MAP3K20: variants seen among roughly 807,000 people sequenced by gnomAD.
MAP3K20 encodes HCCS-4.
A neutral mutation model predicts 85.7 loss-of-function variants in MAP3K20; 40 were observed. The observed-to-expected ratio is 0.47, with a 90% CI of 0.36 to 0.61. MAP3K20 has a LOEUF of 0.61. MAP3K20 is among the 20% of genes least tolerant of loss of function. The pLI is 0.00. For synonymous variants in MAP3K20, 325 were observed against 327.7 expected (o/e 0.99, Z 0.09); for missense variants, 817 against 961.7 (o/e 0.85, Z 1.99).
chr2:173,228,286 A>G (rs953691833), intron 11 of MAP3K20, among the ~76,000 whole-genome samples: 1 of 151,786 alleles, frequency 6.6e-6, no homozygotes, highest in African/African-American at 2.4e-5. Flanking sequence ...ACATGAACTC[A>G]CTGCCTTCCA....
intron 2 of MAP3K20, among the ~76,000 whole-genome samples, chr2:173,167,780 T>G (rs1689877655): frequency 6.6e-6 from 1 of 152,136 alleles, no homozygotes; most frequent in South Asian, 2.1e-4. Flanking sequence ...ACACTGAAAA[T>G]CCCATCATGC....
Position 173,090,551 on chromosome 2 carries a change from G to C in MAP3K20, c.-34-447G>C, listed in dbSNP as rs573127266. On this transcript the variant is annotated intron_variant, in intron 1 of 19. Coordinates refer to ENST00000375213, the MANE Select transcript of MAP3K20 (RefSeq NM_016653.3). Reference sequence around the variant, plus strand: ...TGTACCAGGATGCTCGGTGGCTTAGGTTGTGTATATTTTGTGTGAAGTGAG... The same window carrying C: ...TGTACCAGGATGCTCGGTGGCTTAGCTTGTGTATATTTTGTGTGAAGTGAG... The C allele has an allele frequency of 2.0e-5, 18 of 918,866 alleles. No homozygotes were observed. The African/African-American group carries it at 3.0e-4, about 15-fold the overall frequency. The allele number at this position is 918,866 out of a possible 1,614,324, so 56.9% of individuals were successfully genotyped here.
intron 2 of MAP3K20, among the ~76,000 whole-genome samples, chr2:173,117,601 T>C (rs567489487): frequency 1.9e-4 from 29 of 152,282 alleles, no homozygotes; most frequent in South Asian, 1.2e-3. Flanking sequence ...CTAATAAAAT[T>C]ATATTGAATT....
intron 1 of MAP3K20, among the ~76,000 whole-genome samples, chr2:173,088,684 T>C (rs1227289809): frequency 6.6e-6 from 1 of 152,220 alleles, no homozygotes; most frequent in East Asian, 1.9e-4. Flanking sequence ...CTAGTGTCTG[T>C]AATGCTGAGG....
chr2:173,133,156 C>G (rs756443857), intron 2 of MAP3K20, among the ~76,000 whole-genome samples: 1 of 152,032 alleles, frequency 6.6e-6, no homozygotes, highest in Non-Finnish European at 1.5e-5. Flanking sequence ...TTATTTAATT[C>G]CAAAATTTTA....
chr2:173,217,065 T>C lies in MAP3K20; in HGVS notation c.852-50T>C, dbSNP rs6726015. 2.1e-3 allele frequency: 2,923 copies of C among 1,388,218 alleles called. 66 individuals are homozygous for C. The African/African-American group carries it at 0.037, about 18-fold the overall frequency. The allele number at this position is 1,388,218 out of a possible 1,614,324, so 86.0% of individuals were successfully genotyped here. A position where few individuals can be genotyped will look rare whatever the true frequency, so the allele number is the denominator to read the frequency against. On this transcript the variant is annotated intron_variant, in intron 10 of 19. Coordinates refer to ENST00000375213, the MANE Select transcript of MAP3K20 (RefSeq NM_016653.3). ...GCATTCTGATGGACCCACTAAGCGC[T>C]TGATGTCTCTTAAGTAAAGTTGAGA...
At chr2:173,236,296 G>A (rs1274070061) in intron 14 of MAP3K20, among the ~76,000 whole-genome samples, 2 of 147,402 alleles carry the variant, frequency 1.4e-5, no homozygotes, top group African/African-American at 5.0e-5. Context: ...AAAAAAGGCA[G>A]GGACAGGGGA....
intron 11 of MAP3K20, chr2:173,222,926 T>C (rs956814878): frequency 1.9e-4 from 184 of 985,318 alleles, no homozygotes; most frequent in Middle Eastern, 1.0e-3. Context: ...TAAGACTTTT[T>C]TCAAACTAAA....
chr2:173,162,759 C>G (rs1178728975), intron 2 of MAP3K20, among the ~76,000 whole-genome samples: 2 of 151,458 alleles, frequency 1.3e-5, no homozygotes, highest in Non-Finnish European at 2.9e-5. Flanking sequence ...TGCTTAAATA[C>G]CACACACACT....
At chr2:173,140,135 C>A (rs967161854) in intron 2 of MAP3K20, among the ~76,000 whole-genome samples, 18 of 152,006 alleles carry the variant, frequency 1.2e-4, no homozygotes, top group Non-Finnish European at 1.5e-5. Flanking sequence ...CCTCAGCCTC[C>A]CGAGTAGCTG....
intron 16 of MAP3K20, among the ~76,000 whole-genome samples, chr2:173,254,933 A>C (rs554396777): frequency 6.6e-6 from 1 of 152,328 alleles, no homozygotes; most frequent in South Asian, 2.1e-4. Flanking sequence ...TGGGCACTGC[A>C]TGTTGCAGCA....
chr2:173,248,189 T>G (rs1684964364), intron 16 of MAP3K20, among the ~76,000 whole-genome samples: 2 of 152,188 alleles, frequency 1.3e-5, no homozygotes, highest in Admixed American at 1.3e-4. Flanking sequence ...GTGACAGGGT[T>G]AACTCCCTTG....
At chr2:173,124,241 A>G (rs1688378589) in intron 2 of MAP3K20, among the ~76,000 whole-genome samples, 1 of 152,206 alleles carries the variant, frequency 6.6e-6, no homozygotes, top group Non-Finnish European at 1.5e-5. Context: ...ATTAGAGTTC[A>G]TTTAGGAAAA....
intron 16 of MAP3K20, among the ~76,000 whole-genome samples, chr2:173,242,460 G>A (rs1403319465): frequency 1.3e-5 from 2 of 151,956 alleles, no homozygotes; most frequent in South Asian, 2.1e-4. Flanking sequence ...GAGCAACTGC[G>A]CCTGGCCAAG....
intron 2 of MAP3K20, among the ~76,000 whole-genome samples, chr2:173,108,890 G>A (rs1450657568): frequency 6.6e-6 from 1 of 152,086 alleles, no homozygotes; most frequent in Non-Finnish European, 1.5e-5. Context: ...CTAACCAAAG[G>A]CATGGAATCT....
chr2:173,106,589 G>A (rs113209539), intron 2 of MAP3K20, among the ~76,000 whole-genome samples: 208 of 152,282 alleles, frequency 1.4e-3, no homozygotes, highest in African/African-American at 4.9e-3. Flanking sequence ...CAGTTGCAAG[G>A]GTGGAGTAAA....
At chr2:173,207,534 A>G (rs939315394) in intron 9 of MAP3K20, 6 of 152,196 alleles carry the variant, frequency 3.9e-5, no homozygotes, top group African/African-American at 1.2e-4. Context: ...TTCAATAGGA[A>G]GTAGTATCTT....
chr2:173,253,203 G>A (rs1685081118), intron 16 of MAP3K20, among the ~76,000 whole-genome samples: 1 of 152,118 alleles, frequency 6.6e-6, no homozygotes, highest in African/African-American at 2.4e-5. Context: ...TCCCTTTTAT[G>A]GCTGCCAGAT....
chr2:173,119,619 G>A (rs1050345118), intron 2 of MAP3K20, among the ~76,000 whole-genome samples: 2 of 152,218 alleles, frequency 1.3e-5, no homozygotes, highest in Non-Finnish European at 2.9e-5. Flanking sequence ...GGATTTGGTG[G>A]TGCTGAGAGG....
Sources: allele counts gnomAD v4.1 joint callset (sites outside exome capture counted in the v4.1 genomes callset), GRCh38; gene constraint gnomAD v4.1.1; transcripts MANE v1.5; gene names NCBI Gene and HGNC (gene_info 2026-07-23, HGNC 2026-07-21).